Variants in ZNF248 observed in about 807,000 individuals in gnomAD.
The protein encoded by ZNF248 is zinc finger protein 248.
In ZNF248, 20 loss-of-function variants were observed where a neutral mutation model predicts 44.3. The observed-to-expected ratio is 0.45, with a 90% CI of 0.32 to 0.66. The LOEUF is 0.66. Among genes scored for constraint, ZNF248 ranks in the 30% least tolerant of loss-of-function variants. The pLI is 0.04. For missense variants in ZNF248, 654 were observed against 677.0 expected (o/e 0.97, Z 0.38); for synonymous variants, 224 against 229.0 (o/e 0.98, Z 0.20).
At chr10:37,769,520 A>T in the ZNF248 span, among the ~76,000 whole-genome samples, 1 of 152,208 alleles carries the variant, frequency 6.6e-6, no homozygotes, top group Non-Finnish European at 1.5e-5. Context: ...AATGACAAAA[A>T]CCACATGATT....
downstream of ZNF248, among the ~76,000 whole-genome samples, chr10:37,772,411 C>T (rs542697969): frequency 6.6e-6 from 1 of 152,268 alleles, no homozygotes; most frequent in South Asian, 2.1e-4. Context: ...CCACCAGACA[C>T]TGCTGAACTC....
At chr10:37,836,808 A>AT (rs1234883662) in intron 5 of ZNF248, among the ~76,000 whole-genome samples, 5 of 149,408 alleles carry the variant, frequency 3.3e-5, no homozygotes, top group African/African-American at 4.9e-5. Flanking sequence ...ACACACACGC[A>AT]TTTTTTTGTC....
chr10:37,831,272 T>G lies in ZNF248; in HGVS notation c.*343A>C, dbSNP rs1293262917. On this transcript the variant is annotated 3_prime_UTR_variant, in exon 6 of 6. Coordinates refer to ENST00000395867, the MANE Select transcript of ZNF248 (RefSeq NM_021045.3). ...ATCGGGGACTCTTCACATATATGTT[T>G]AATGCTGCTGTCATTCAACTTTTAT... The G allele has an allele frequency of 6.5e-7, 1 of 1,549,570 alleles. No homozygotes were observed. Among genetic ancestry groups the G allele is most frequent in the Non-Finnish European group, 8.7e-7 (1 of 1,146,212 alleles).
chr10:37,776,509 C>T (rs1357291838), downstream of ZNF248: 1 of 398,256 alleles, frequency 2.5e-6, no homozygotes, highest in African/African-American at 2.1e-5. Context: ...AGGTGGGATT[C>T]CTGTTCCTAG....
the ZNF248 span, among the ~76,000 whole-genome samples, chr10:37,769,332 T>C: frequency 1.6e-4 from 25 of 152,280 alleles, no homozygotes; most frequent in African/African-American, 6.0e-4. Flanking sequence ...AAGAGAATTT[T>C]AGACCAATAT....
intron 6 of ZNF248, among the ~76,000 whole-genome samples, chr10:37,792,330 A>G (rs1022969583): frequency 6.6e-6 from 1 of 152,234 alleles, no homozygotes; most frequent in African/African-American, 2.4e-5. Flanking sequence ...GAGTAATGTC[A>G]AGAATAAAAT....
At chr10:37,777,831 C>T (rs1176974750) in intron 6 of ZNF248, among the ~76,000 whole-genome samples, 1 of 151,946 alleles carries the variant, frequency 6.6e-6, no homozygotes. Flanking sequence ...TGATGACTTC[C>T]AATTTCATCC....
intron 3 of ZNF248, among the ~76,000 whole-genome samples, chr10:37,850,542 C>T (rs2134699418): frequency 6.6e-6 from 1 of 152,168 alleles, no homozygotes; most frequent in Admixed American, 6.5e-5. Context: ...AATATTAAAC[C>T]TTACTATATG....
Position 37,832,535 on chromosome 10 carries a change from T to C in ZNF248, c.820A>G (p.Ile274Val), listed in dbSNP as rs1422126393. Residue 274 changes from isoleucine (I) to valine (V), a missense_variant, in exon 6 of 6, where the codon ATT becomes GTT. Physicochemically the swap from Ile to Val is conservative, Grantham distance 29. Coordinates refer to ENST00000395867, the MANE Select transcript of ZNF248 (RefSeq NM_021045.3). ...HLEMEPYGCS[I>V]CGKSFCMNLR... Reference sequence around the variant, plus strand: ...TTCATGCAGAAGGACTTCCCGCAAATACTGCATCCATACGGCTCCATTTCC... The same window carrying C: ...TTCATGCAGAAGGACTTCCCGCAAACACTGCATCCATACGGCTCCATTTCC... 2.5e-6 allele frequency: 4 copies of C among 1,613,842 alleles called. No homozygotes were observed. Among genetic ancestry groups the C allele is most frequent in the African/African-American group, 1.3e-5 (1 of 74,928 alleles).
intron 6 of ZNF248, among the ~76,000 whole-genome samples, chr10:37,787,813 C>A (rs1319310256): frequency 6.6e-6 from 1 of 151,928 alleles, no homozygotes; most frequent in African/African-American, 2.4e-5. Flanking sequence ...TCTTAGACAA[C>A]AAAGCACAAT....
chr10:37,829,624 C>A lies in ZNF248; in HGVS notation c.*1991G>T, dbSNP rs2055081754. ...AGAACAGGTATAGAGAGCAGAGTAG[C>A]TCGGCAACGTCACCTCTGAGCTGGC... On this transcript the variant is annotated 3_prime_UTR_variant, in exon 6 of 6. Transcript: ENST00000395867. 1.0e-6 allele frequency: 1 copy of A among 985,382 alleles called. No individual in the cohort carries two copies. Among genetic ancestry groups the A allele is most frequent in the Non-Finnish European group, 1.2e-6 (1 of 829,936 alleles). The allele number at this position is 985,382 out of a possible 1,614,324, so 61.0% of individuals were successfully genotyped here.
the ZNF248 span, among the ~76,000 whole-genome samples, chr10:37,769,283 C>T: frequency 4.6e-5 from 7 of 152,098 alleles, no homozygotes; most frequent in East Asian, 3.9e-4. Context: ...GAGGCCAGCA[C>T]CATCCTGATA....
chr10:37,821,627 G>T (rs950470027), intron 6 of ZNF248, among the ~76,000 whole-genome samples: 3 of 152,138 alleles, frequency 2.0e-5, no homozygotes, highest in Non-Finnish European at 4.4e-5. Context: ...TTTCCTCAAA[G>T]AAAGCAACAA....
chr10:37,793,483 GAAGA>G (rs2048797801), intron 6 of ZNF248, among the ~76,000 whole-genome samples: 1 of 152,142 alleles, frequency 6.6e-6, no homozygotes, highest in African/African-American at 2.4e-5. Flanking sequence ...AAAAAATGTT[GAAGA>G]AAGGGTATCA....
Position 37,829,677 on chromosome 10 carries a change from C to T in ZNF248, c.*1938G>A, listed in dbSNP as rs1431858381. On this transcript the variant is annotated 3_prime_UTR_variant, in exon 6 of 6. Coordinates refer to ENST00000395867, the MANE Select transcript of ZNF248 (RefSeq NM_021045.3). The stretch of plus-strand genomic sequence containing the variant: ...TTCCCACCTTGTGCACTGTTATCTT[C>T]AGGCTACTGCCCTTCAGAGATAAAA... 1.0e-6 allele frequency: 1 copy of T among 985,286 alleles called. No individual in the cohort carries two copies. Among genetic ancestry groups the T allele is most frequent in the Non-Finnish European group, 1.2e-6 (1 of 829,942 alleles). The allele number at this position is 985,286 out of a possible 1,614,324, so 61.0% of individuals were successfully genotyped here.
downstream of ZNF248, among the ~76,000 whole-genome samples, chr10:37,771,706 A>T (rs2046240918): frequency 3.9e-5 from 6 of 152,224 alleles, no homozygotes; most frequent in South Asian, 1.2e-3. Context: ...GCACACCAAC[A>T]TGGCACATGT....
At chr10:37,808,105 T>A (rs531685603) in intron 6 of ZNF248, among the ~76,000 whole-genome samples, 3 of 152,098 alleles carry the variant, frequency 2.0e-5, no homozygotes, top group Non-Finnish European at 4.4e-5. Flanking sequence ...TCAATTGACA[T>A]CATGTTTTCA....
chr10:37,776,268 C>G (rs990672059), downstream of ZNF248: 8 of 274,278 alleles, frequency 2.9e-5, no homozygotes, highest in Non-Finnish European at 5.4e-5. Context: ...CAGCATACCC[C>G]TTTCCACCAC....
chr10:37,791,530 T>G (rs1168105108), intron 6 of ZNF248: 1 of 152,126 alleles, frequency 6.6e-6, no homozygotes, highest in Non-Finnish European at 1.5e-5. Flanking sequence ...GAGGTGGAGA[T>G]TAGCTTCTGG....
Sources: allele counts gnomAD v4.1 joint callset (sites outside exome capture counted in the v4.1 genomes callset), GRCh38; gene constraint gnomAD v4.1.1; transcripts MANE v1.5; gene names NCBI Gene and HGNC (gene_info 2026-07-23, HGNC 2026-07-21).